MAP4K2: variants seen among roughly 807,000 people sequenced by gnomAD.
The protein encoded by MAP4K2 is B lymphocyte serine/threonine protein kinase.
MAP4K2 carries 85 observed loss-of-function variants against 125.3 expected under a neutral mutation model. The observed-to-expected ratio is 0.68, with a 90% CI of 0.57 to 0.81. The LOEUF is 0.81. MAP4K2 is among the 40% of genes least tolerant of loss of function. The pLI, the probability that MAP4K2 is intolerant of heterozygous loss-of-function variation, is 0.00. For missense variants in MAP4K2, 923 were observed against 1,056.4 expected (o/e 0.87, Z 1.75); for synonymous variants, 479 against 445.1 (o/e 1.08, Z -0.96).
Position 64,784,936 on chromosome 11 carries a change from T to A in MAP4K2, c.*4601A>T, listed in dbSNP as rs528576767. 1 of 152,240 alleles carries A rather than the reference T, an allele frequency of 6.6e-6. No individual in the cohort carries two copies. The highest frequency in any genetic ancestry group is 2.4e-5 in the African/African-American group (1 of 41,460). The allele number at this position is 152,240 out of a possible 1,614,324, so 9.4% of individuals were successfully genotyped here. ...AGGTACATGAATGTTTATAGCAGCT[T>A]TATTTGTAATAGTTCACAACGGAAC... On this transcript the variant is annotated 3_prime_UTR_variant, in exon 32 of 32. Transcript: ENST00000294066.
intron 18 of MAP4K2, 41 bp from the exon 19 acceptor site, chr11:64,797,233 C>A (rs369393608): frequency 1.2e-6 from 2 of 1,604,802 alleles, no homozygotes; most frequent in Non-Finnish European, 1.7e-6. Context: ...CTGTAGCCCC[C>A]ACCCTGGGGC....
At chr11:64,794,466 TCTC>T (rs1436944904) in intron 24 of MAP4K2, among the ~76,000 whole-genome samples, 7 of 151,972 alleles carry the variant, frequency 4.6e-5, no homozygotes, top group Non-Finnish European at 8.8e-5. Context: ...TTCAAGCTAT[TCTC>T]CTGCCTCAGC....
At chr11:64,797,070 C>A (rs770556022) in intron 19 of MAP4K2, 34 bp downstream of exon 19, 2 of 1,614,114 alleles carry the variant, frequency 1.2e-6, no homozygotes, top group Admixed American at 1.7e-5. Flanking sequence ...GCTGTAGCCG[C>A]CCGTCTCCCC....
At position 64,790,288 on chromosome 11, in the gene MAP4K2, G is replaced by A. The variant is rs1227410342; in HGVS notation, c.2162-14C>T. On this transcript the variant is annotated splice_polypyrimidine_tract_variant and intron_variant, in intron 28 of 31. Transcript: ENST00000294066. Reference sequence around the variant, plus strand: ...TCCTCACACAGCCTGCACAGGGAAGGAATTGGTGAGTGGGGACGGGGAGGC... The same window carrying A: ...TCCTCACACAGCCTGCACAGGGAAGAAATTGGTGAGTGGGGACGGGGAGGC... 3.7e-6 allele frequency: 6 copies of A among 1,614,066 alleles called. No individual in the cohort carries two copies. The South Asian group carries it at 5.5e-5, about 15-fold the overall frequency.
chr11:64,792,470 C>A, intron 24 of MAP4K2, 48 bp from the exon 25 acceptor site: 8 of 1,512,822 alleles, frequency 5.3e-6, no homozygotes, highest in Non-Finnish European at 7.2e-6. Flanking sequence ...CATCCATGGG[C>A]AAGGCCCCTG....
At chr11:64,796,006 G>A (rs908451846) in intron 24 of MAP4K2, among the ~76,000 whole-genome samples, 4 of 152,162 alleles carry the variant, frequency 2.6e-5, no homozygotes, top group South Asian at 4.1e-4. Context: ...CTCAGTAAAC[G>A]TTTGCTTAAC....
intron 10 of MAP4K2, among the ~76,000 whole-genome samples, 179 bp from the exon 11 acceptor site, chr11:64,800,571 A>C (rs1303150241): frequency 2.0e-5 from 3 of 152,182 alleles, no homozygotes; most frequent in Admixed American, 1.3e-4. Flanking sequence ...CTCCTCCACC[A>C]ACCCTCTGCC....
intron 16 of MAP4K2, 45 bp downstream of exon 16, chr11:64,797,581 A>G (rs762315523): frequency 1.3e-6 from 2 of 1,577,332 alleles, no homozygotes; most frequent in Non-Finnish European, 1.7e-6. Flanking sequence ...GACTGGCACC[A>G]AGGCCACCTG....
intron 29 of MAP4K2, 89 bp from the exon 30 acceptor site, chr11:64,790,048 C>A: frequency 1.3e-6 from 2 of 1,553,342 alleles, no homozygotes; most frequent in South Asian, 1.1e-5. Context: ...CAGGGGTCCT[C>A]ACTGACCTCA....
Position 64,800,128 on chromosome 11 carries a change from G to A in MAP4K2, c.896C>T (p.Pro299Leu). 1 of 1,610,084 alleles carries A rather than the reference G, an allele frequency of 6.2e-7. No homozygotes were observed. Among genetic ancestry groups the A allele is most frequent in the Non-Finnish European group, 8.5e-7 (1 of 1,178,590 alleles). The change falls in exon 12 of 32, where the codon CCT becomes CTT. Residue 299 changes from proline (P) to leucine (L), a missense_variant. This residue lies in a region of MAP4K2 where 833 missense variants were observed against 911.4 expected (regional missense o/e 0.91). Transcript: ENST00000294066. ...ASDPHLGTPS[P>L]EDCELETYDM... ...ACCTACCTCCAGCTCACAGTCCTCA[G>A]GGGAGGGGGTCCCCAGATGAGGGTC...
chr11:64,792,336 G>GGGCC, intron 25 of MAP4K2, 28 bp downstream of exon 25: 4 of 614,754 alleles, frequency 6.5e-6, no homozygotes, highest in Non-Finnish European at 9.4e-6. Flanking sequence ...ACCAGGCCCC[G>GGGCC]CCCCACCCCG....
At chr11:64,797,847 A>G (rs1174163685) in intron 15 of MAP4K2, among the ~76,000 whole-genome samples, 183 bp from the exon 16 acceptor site, 1 of 151,414 alleles carries the variant, frequency 6.6e-6, no homozygotes, top group East Asian at 1.9e-4. Flanking sequence ...CTGGGACTAC[A>G]GGCGCCCGCC....
intron 4 of MAP4K2, 98 bp downstream of exon 4, chr11:64,802,321 G>A: frequency 2.3e-6 from 3 of 1,310,534 alleles, no homozygotes; most frequent in South Asian, 1.3e-5. Context: ...GGAGTGGAGA[G>A]GAGCCCAAGT....
rs574054455 is a variant in MAP4K2, at chr11:64,789,336, C to A, written c.*201G>T. The A allele has an allele frequency of 6.7e-4, 391 of 586,096 alleles. 3 individuals carry two copies. The South Asian group carries it at 7.5e-3, about 11-fold the overall frequency. 36.3% of individuals were successfully genotyped at this position (586,096 alleles called of 1,614,324 possible). A position where few individuals can be genotyped will look rare whatever the true frequency, so the allele number is the denominator to read the frequency against. ...GGGATGGGGGAGTGACAGCAGCTCC[C>A]CCTGGTCCAGTTATTGCAGAGGCGT... is the stretch of plus-strand genomic sequence containing the variant. On this transcript the variant is annotated 3_prime_UTR_variant, in exon 32 of 32. Transcript: ENST00000294066.
At position 64,800,735 on chromosome 11, in the gene MAP4K2, G is replaced by A. The variant is rs371200025; in HGVS notation, c.725+29C>T. On this transcript the variant is annotated intron_variant, in intron 10 of 31. Coordinates refer to ENST00000294066, the MANE Select transcript of MAP4K2 (RefSeq NM_004579.5). ...TCCACTATGGGGCTGACAGAAAAGG[G>A]GGTCCCGGCAGCAGGGTGTGGCCCT... 4.5e-4 allele frequency: 715 copies of A among 1,581,024 alleles called. 3 individuals carry two copies. The highest frequency in any genetic ancestry group is 1.5e-3 in the Middle Eastern group (9 of 6,022).
At position 64,803,102 on chromosome 11, in the gene MAP4K2, G is replaced by T. The variant is rs1304703446; in HGVS notation, c.48C>A (p.Phe16Leu). Reference protein sequence around the residue: ...DVSLQDPRDRFELLQRVGAGT... With the variant: ...DVSLQDPRDRLELLQRVGAGT... ...CGGCCCCCACGCGCTGCAGCAGCTC[G>T]AAGCGGTCCCGCGGGTCCTGCAGCG... Residue 16 changes from phenylalanine to leucine, a missense_variant, in exon 1 of 32, where the codon TTC (phenylalanine) becomes TTA (leucine). This residue lies in a region of MAP4K2 where 833 missense variants were observed against 911.4 expected (regional missense o/e 0.91). Transcript: ENST00000294066. The T allele has an allele frequency of 6.3e-7, 1 of 1,597,006 alleles. No homozygotes were observed.
intron 7 of MAP4K2, 28 bp from the exon 8 acceptor site, chr11:64,801,211 A>G (rs1015572772): frequency 6.2e-7 from 1 of 1,606,980 alleles, no homozygotes; most frequent in East Asian, 2.2e-5. Context: ...CACTCTCACC[A>G]GCCCTCTGGC....
In MAP4K2 at chr11:64,802,640, G is replaced by A; in HGVS notation, c.168C>T (p.Ser56=). 6.2e-7 allele frequency: 1 copy of A among 1,612,658 alleles called. No individual in the cohort carries two copies. The highest frequency in any genetic ancestry group is 8.5e-7 in the Non-Finnish European group (1 of 1,179,542). The change falls in exon 3 of 32, where the codon AGC becomes AGT. Residue 56 remains serine (S), a synonymous_variant. Transcript: ENST00000294066. ...IVKLDPGDDI[S]SLQQEITILR... is the part of the protein sequence containing the mutation. ...GGATGGTGATTTCCTGCTGGAGGGA[G>A]CTGATGTCGTCCCCTGGGAAGCACA...
Position 64,785,250 on chromosome 11 carries a change from C to T in MAP4K2, c.*4287G>A, listed in dbSNP as rs904553898. On this transcript the variant is annotated 3_prime_UTR_variant, in exon 32 of 32. Coordinates refer to ENST00000294066, the MANE Select transcript of MAP4K2 (RefSeq NM_004579.5). ...AGCAGGAGGGTGGGCTTACCAAGGGCATGGGAAACTTTCCAGAGTGAAGGG... is the reference window on the plus strand; with the variant it reads ...AGCAGGAGGGTGGGCTTACCAAGGGTATGGGAAACTTTCCAGAGTGAAGGG... 6.6e-6 allele frequency: 1 copy of T among 152,204 alleles called. No individual in the cohort carries two copies. The highest frequency in any genetic ancestry group is 2.1e-4 in the South Asian group (1 of 4,824). 9.4% of individuals were successfully genotyped at this position (152,204 alleles called of 1,614,324 possible).
Sources: gnomAD v4.1 joint callset for allele counts (sites outside exome capture counted in the v4.1 genomes callset) on GRCh38, gnomAD v4.1.1 for gene constraint, gnomAD v4.1.1 regional missense constraint, MANE v1.5 for transcripts, NCBI Gene and HGNC (gene_info 2026-07-23, HGNC 2026-07-21) for gene names.